The following PCDH15 variants were observed in gnomAD, a reference collection of about 807,000 sequenced individuals.
PCDH15 encodes the protein protocadherin related 15.
Under a neutral mutation model 178.5 loss-of-function variants are expected in PCDH15, and 129 were observed. The observed-to-expected ratio is 0.72, with a 90% CI of 0.63 to 0.84. The LOEUF (loss-of-function observed/expected upper bound fraction) is 0.84, where lower values mean the gene tolerates loss of function less well. Among genes scored for constraint, PCDH15 ranks in the 40% least tolerant of loss-of-function variants. PCDH15 has a pLI of 0.00. For synonymous variants in PCDH15, 800 were observed against 732.0 expected (o/e 1.09, Z -1.50); for missense variants, 2,230 against 2,099.9 (o/e 1.06, Z -1.21).
chr10:54,960,460 A>C (rs1172010423), intron 2 of PCDH15, among the ~76,000 whole-genome samples: 1 of 152,194 alleles, frequency 6.6e-6, no homozygotes, highest in Non-Finnish European at 1.5e-5. Flanking sequence ...GCCTATAGGC[A>C]CACTACCTCC....
chr10:53,940,196 C>A (rs2085930586), intron 24 of PCDH15, among the ~76,000 whole-genome samples: 1 of 151,834 alleles, frequency 6.6e-6, no homozygotes, highest in South Asian at 2.1e-4. Flanking sequence ...TCTAACATAC[C>A]AAAAGGGAAA....
intron 2 of PCDH15, among the ~76,000 whole-genome samples, chr10:54,622,044 TA>T (rs1307733539): frequency 5.9e-5 from 9 of 151,496 alleles, no homozygotes; most frequent in African/African-American, 2.2e-4. Context: ...TTTCTGTGCT[TA>T]CTAAATCACC....
chr10:55,451,368 T>C (rs1839431580), intron 2 of PCDH15, among the ~76,000 whole-genome samples: 1 of 151,838 alleles, frequency 6.6e-6, no homozygotes, highest in Admixed American at 6.6e-5. Flanking sequence ...TGTGGTGGCA[T>C]GAGCCTGTAG....
At chr10:55,421,325 T>A (rs1838616062) in intron 2 of PCDH15, among the ~76,000 whole-genome samples, 1 of 151,162 alleles carries the variant, frequency 6.6e-6, no homozygotes, top group Admixed American at 6.6e-5. Context: ...TTAAATGAGA[T>A]AACCTGAAAT....
chr10:55,324,935 C>A (rs751546930), intron 2 of PCDH15, among the ~76,000 whole-genome samples: 2 of 151,894 alleles, frequency 1.3e-5, no homozygotes, highest in Admixed American at 6.6e-5. Flanking sequence ...GAATATCCAA[C>A]CTGAGAGTCA....
chr10:55,540,307 A>G (rs1396345294), intron 2 of PCDH15, among the ~76,000 whole-genome samples: 1 of 152,088 alleles, frequency 6.6e-6, no homozygotes, highest in Non-Finnish European at 1.5e-5. Flanking sequence ...TGCAAAGTGA[A>G]CAGATTGGAT....
At chr10:54,095,754 G>C (rs1452186445) in intron 15 of PCDH15, among the ~76,000 whole-genome samples, 1 of 152,032 alleles carries the variant, frequency 6.6e-6, no homozygotes, top group Admixed American at 6.6e-5. Flanking sequence ...TCCTTAATAG[G>C]AAAAATACCT....
At chr10:54,889,084 A>C (rs1374856981) in intron 3 of PCDH15, among the ~76,000 whole-genome samples, 1 of 151,914 alleles carries the variant, frequency 6.6e-6, no homozygotes, top group African/African-American at 2.4e-5. Flanking sequence ...TGTAATATGC[A>C]TCAGTGACCT....
At position 54,655,329 on chromosome 10, in the gene PCDH15, A is replaced by G. The variant is rs1032550112; in HGVS notation, c.91+8843T>C. On this transcript the variant is annotated intron_variant, in intron 2 of 37. Coordinates refer to ENST00000644397, the MANE Select transcript of PCDH15 (RefSeq NM_001384140.1). ...CAGAGAGAGAGACAGAGAAAGAGAGAAAGAGAGAAAGAAAGAAAGAACATC... is the reference window on the plus strand; with the variant it reads ...CAGAGAGAGAGACAGAGAAAGAGAGGAAGAGAGAAAGAAAGAAAGAACATC... Among the ~76,000 whole-genome samples, 3 of 149,816 alleles carry G rather than the reference A, an allele frequency of 2.0e-5. No individual in the cohort carries two copies. In the East Asian group the frequency reaches 5.9e-4, roughly 29 times the overall value.
chr10:54,837,413 A>G (rs1953334761), intron 3 of PCDH15, among the ~76,000 whole-genome samples: 1 of 152,192 alleles, frequency 6.6e-6, no homozygotes, highest in Non-Finnish European at 1.5e-5. Flanking sequence ...AATAAACTCA[A>G]GTAGTATTAG....
intron 25 of PCDH15, among the ~76,000 whole-genome samples, chr10:53,918,515 T>A (rs1409398152): frequency 2.0e-5 from 3 of 152,172 alleles, no homozygotes; most frequent in African/African-American, 7.2e-5. Context: ...AAACGATACG[T>A]CTATTTCAAA....
At chr10:54,519,933 G>C (rs1489150651) in intron 3 of PCDH15, among the ~76,000 whole-genome samples, 1 of 152,132 alleles carries the variant, frequency 6.6e-6, no homozygotes, top group Non-Finnish European at 1.5e-5. Flanking sequence ...TCTGATCTTT[G>C]ACAAACCTGA....
intron 2 of PCDH15, among the ~76,000 whole-genome samples, chr10:55,329,978 C>T (rs543295607): frequency 1.6e-4 from 25 of 151,856 alleles, no homozygotes; most frequent in African/African-American, 6.0e-4. Context: ...TTTACTGAGT[C>T]ACATTACTTT....
intron 27 of PCDH15, among the ~76,000 whole-genome samples, chr10:53,863,684 A>G (rs1181314273): frequency 6.6e-6 from 1 of 152,198 alleles, no homozygotes; most frequent in Admixed American, 6.5e-5. Context: ...AGATAGAAAA[A>G]AAGCATTGTT....
At chr10:54,125,490 G>A (rs530083730) in intron 15 of PCDH15, among the ~76,000 whole-genome samples, 6 of 152,178 alleles carry the variant, frequency 3.9e-5, no homozygotes, top group Non-Finnish European at 8.8e-5. Flanking sequence ...GTTTGAAAGA[G>A]AAACAATGAT....
chr10:54,554,662 C>T (rs1011526402), intron 2 of PCDH15, among the ~76,000 whole-genome samples: 1 of 152,100 alleles, frequency 6.6e-6, no homozygotes, highest in African/African-American at 2.4e-5. Flanking sequence ...GGAACAGGAC[C>T]TCCAACACCT....
At chr10:54,179,120 T>C (rs1227232044) in intron 13 of PCDH15, among the ~76,000 whole-genome samples, 1 of 152,084 alleles carries the variant, frequency 6.6e-6, no homozygotes, top group East Asian at 1.9e-4. Flanking sequence ...CATACACACG[T>C]ATGTTTATTG....
chr10:53,891,008 T>C (rs1415335102), intron 26 of PCDH15, among the ~76,000 whole-genome samples: 2 of 152,222 alleles, frequency 1.3e-5, no homozygotes, highest in African/African-American at 2.4e-5. Context: ...ACCGTTCTTA[T>C]TGGAAATATT....
At chr10:54,321,094 A>T (rs1317586581) in intron 7 of PCDH15, among the ~76,000 whole-genome samples, 1 of 137,716 alleles carries the variant, frequency 7.3e-6, no homozygotes. Flanking sequence ...CTCAATAACA[A>T]ATAAGTTAAT....
Sources: gnomAD v4.1 joint callset for allele counts (sites outside exome capture counted in the v4.1 genomes callset) on GRCh38, gnomAD v4.1.1 for gene constraint, MANE v1.5 for transcripts, NCBI Gene and HGNC (gene_info 2026-07-23, HGNC 2026-07-21) for gene names.